Variants in HSD17B12 observed in about 807,000 individuals in gnomAD.
HSD17B12 encodes the protein hydroxysteroid 17-beta dehydrogenase 12.
HSD17B12 carries 32 observed loss-of-function variants against 39.3 expected under a neutral mutation model. The observed-to-expected ratio is 0.81, with a 90% CI of 0.61 to 1.09. The LOEUF (loss-of-function observed/expected upper bound fraction) is 1.09, where lower values mean the gene tolerates loss of function less well. Ranked by LOEUF, HSD17B12 falls within the 50% of genes least tolerant of loss-of-function variation. HSD17B12 has a pLI of 0.00. For missense variants in HSD17B12, 342 were observed against 382.9 expected, an observed-to-expected ratio of 0.89 and a Z score of 0.89; for synonymous variants, 150 against 146.7, an observed-to-expected ratio of 1.02 and a Z score of -0.16.
At chr11:43,770,700 G>A (rs1433919097) in intron 3 of HSD17B12, among the ~76,000 whole-genome samples, 7 of 152,262 alleles carry the variant, frequency 4.6e-5, no homozygotes, top group South Asian at 2.1e-4. Context: ...TCGTCACTGC[G>A]CTCCAGCCTG....
chr11:43,786,698 A>C (rs911919874), intron 3 of HSD17B12, among the ~76,000 whole-genome samples: 1 of 152,236 alleles, frequency 6.6e-6, no homozygotes, highest in African/African-American at 2.4e-5. Context: ...AAAAAACAAC[A>C]TGACCTTTCA....
At chr11:43,761,243 C>A (rs954486985) in intron 3 of HSD17B12, among the ~76,000 whole-genome samples, 1 of 152,134 alleles carries the variant, frequency 6.6e-6, no homozygotes, top group Non-Finnish European at 1.5e-5. Context: ...CTAATTATAT[C>A]CTGATAGGGA....
intron 6 of HSD17B12, among the ~76,000 whole-genome samples, chr11:43,823,634 A>G (rs1951204008): frequency 1.3e-5 from 2 of 152,202 alleles, no homozygotes; most frequent in South Asian, 2.1e-4. Context: ...TGTAAGCACC[A>G]TGAGGGTTGG....
At chr11:43,793,654 G>T (rs547417083) in intron 3 of HSD17B12, among the ~76,000 whole-genome samples, 1 of 152,188 alleles carries the variant, frequency 6.6e-6, no homozygotes, top group East Asian at 1.9e-4. Context: ...ACCTAAAAAT[G>T]TGTGAGTTTT....
At chr11:43,827,159 G>A (rs750367966) in intron 6 of HSD17B12, among the ~76,000 whole-genome samples, 11 of 152,100 alleles carry the variant, frequency 7.2e-5, no homozygotes, top group Non-Finnish European at 1.5e-4. Context: ...TGGATTCCAG[G>A]GGCTTTGCCT....
At chr11:43,564,880 G>C in the HSD17B12 span, among the ~76,000 whole-genome samples, 1 of 144,840 alleles carries the variant, frequency 6.9e-6, no homozygotes, top group Non-Finnish European at 1.5e-5. Context: ...AGGCAGAACG[G>C]GTTGAGTCTT....
At chr11:43,835,320 ACGGT>A (rs1302176148) in intron 7 of HSD17B12, among the ~76,000 whole-genome samples, 2 of 152,156 alleles carry the variant, frequency 1.3e-5, no homozygotes, top group Admixed American at 1.3e-4. Context: ...GCTAGACAAC[ACGGT>A]TGATTTAAAG....
intron 4 of HSD17B12, among the ~76,000 whole-genome samples, chr11:43,813,511 G>T (rs1419782402): frequency 6.6e-6 from 1 of 150,844 alleles, no homozygotes; most frequent in Non-Finnish European, 1.5e-5. Context: ...GGAAGATTCT[G>T]TTATCTTAAA....
At chr11:43,686,982 T>C (rs1357945896) in intron 1 of HSD17B12, among the ~76,000 whole-genome samples, 2 of 149,434 alleles carry the variant, frequency 1.3e-5, no homozygotes, top group African/African-American at 4.9e-5. Context: ...TGGTTTTGGT[T>C]GGTTGAATTG....
chr11:43,829,942 G>A (rs1430154069), intron 6 of HSD17B12: 1 of 152,068 alleles, frequency 6.6e-6, no homozygotes, highest in Non-Finnish European at 1.5e-5. Context: ...ACCCACCACT[G>A]TTAATATGCC....
Position 43,745,545 on chromosome 11 carries a change from C to T in HSD17B12, c.161-5366C>T, listed in dbSNP as rs1048162320. Among the ~76,000 whole-genome samples, 5 of 152,090 alleles carry T rather than the reference C, an allele frequency of 3.3e-5. No individual in the cohort carries two copies. In the East Asian group the frequency reaches 9.7e-4, roughly 29 times the overall value. On this transcript the variant is annotated intron_variant, in intron 1 of 10. Transcript: ENST00000278353. ...GTTGTACAAACATCAACAGCCTGTA[C>T]TTCTACAAATCTAGATGGTTTAACC...
intron 4 of HSD17B12, among the ~76,000 whole-genome samples, chr11:43,812,232 T>C (rs905699348): frequency 6.6e-6 from 1 of 152,228 alleles, no homozygotes; most frequent in Non-Finnish European, 1.5e-5. Flanking sequence ...TTTGGATAAA[T>C]ACTAGTAGTG....
chr11:43,615,649 C>T, the HSD17B12 span, among the ~76,000 whole-genome samples: 1 of 152,114 alleles, frequency 6.6e-6, no homozygotes, highest in Non-Finnish European at 1.5e-5. Context: ...TTCCTTTTCT[C>T]AGGGGTCACA....
chr11:43,560,047 T>G, the HSD17B12 span, among the ~76,000 whole-genome samples: 2 of 152,198 alleles, frequency 1.3e-5, no homozygotes, highest in Non-Finnish European at 2.9e-5. Flanking sequence ...CTGTTTTTCA[T>G]GTGGTGCTAA....
intron 3 of HSD17B12, among the ~76,000 whole-genome samples, chr11:43,780,486 A>G (rs1950754374): frequency 1.3e-5 from 2 of 152,046 alleles, no homozygotes; most frequent in African/African-American, 4.8e-5. Context: ...TCATATTCTT[A>G]TCATACATAT....
At chr11:43,813,029 G>T (rs1951087774) in intron 4 of HSD17B12, among the ~76,000 whole-genome samples, 2 of 152,160 alleles carry the variant, frequency 1.3e-5, no homozygotes, top group South Asian at 4.1e-4. Flanking sequence ...TTTTAGTAGA[G>T]ATGGGGTTTC....
At chr11:43,719,178 G>A (rs893308714) in intron 1 of HSD17B12, 1 of 737,270 alleles carries the variant, frequency 1.4e-6, no homozygotes, top group Admixed American at 1.7e-5. Flanking sequence ...CTAAATATAT[G>A]TATATCTTTT....
At chr11:43,643,420 G>A in the HSD17B12 span, among the ~76,000 whole-genome samples, 4 of 152,050 alleles carry the variant, frequency 2.6e-5, no homozygotes, top group African/African-American at 9.7e-5. Flanking sequence ...ATGTAATTGT[G>A]CAGTCTCCTG....
At chr11:43,584,573 T>C in the HSD17B12 span, 1 of 152,358 alleles carries the variant, frequency 6.6e-6, no homozygotes, top group African/African-American at 2.4e-5. Context: ...GTCAAACCTG[T>C]CCTGACACCC....
Sources: gnomAD v4.1 joint callset for allele counts (sites outside exome capture counted in the v4.1 genomes callset) on GRCh38, gnomAD v4.1.1 for gene constraint, MANE v1.5 for transcripts, NCBI Gene and HGNC (gene_info 2026-07-23, HGNC 2026-07-21) for gene names.